HACD3: variants seen among roughly 807,000 people sequenced by gnomAD.
The protein encoded by HACD3 is 3-hydroxyacyl-CoA dehydratase 3.
Under a neutral mutation model 55.2 loss-of-function variants are expected in HACD3, and 30 were observed. That is an observed-to-expected ratio of 0.54 (90% CI 0.41 to 0.74). HACD3 has a LOEUF of 0.74. HACD3 is among the 30% of genes least tolerant of loss of function. The pLI is 0.00. For missense variants in HACD3, 363 were observed against 440.1 expected, an observed-to-expected ratio of 0.82 and a Z score of 1.57; for synonymous variants, 141 against 151.7, an observed-to-expected ratio of 0.93 and a Z score of 0.52.
rs957088862 is a variant in HACD3, at chr15:65,562,753, C to G, written c.422-21C>G. 1.9e-6 allele frequency: 3 copies of G among 1,611,410 alleles called. No homozygotes were observed. The African/African-American group carries it at 4.0e-5, about 21-fold the overall frequency. On this transcript the variant is annotated intron_variant, in intron 5 of 10. Transcript: ENST00000261875. Reference sequence around the variant, plus strand: ...TGGGACTATTGCTTTTAATAGCTTACTGCTTTGCTTTGCTTTACAGCTCTT... The same window carrying G: ...TGGGACTATTGCTTTTAATAGCTTAGTGCTTTGCTTTGCTTTACAGCTCTT...
intron 10 of HACD3, among the ~76,000 whole-genome samples, chr15:65,575,858 C>T (rs986494254): frequency 3.9e-5 from 6 of 152,142 alleles, no homozygotes; most frequent in African/African-American, 1.4e-4. Flanking sequence ...TTTGGGAGGC[C>T]AAGCTGGGCA....
rs1334339064 is a variant in HACD3, at chr15:65,549,503, A to G, written c.88-2173A>G. 2.0e-5 allele frequency among the ~76,000 whole-genome samples: 3 copies of G among 150,614 alleles called. No homozygotes were observed. The East Asian group carries it at 5.8e-4, about 29-fold the overall frequency. ...TAATCCCAGCTGCTCGGGAGGCTGA[A>G]GCAGAAGAATCGCTTGAGCCTGGGA... On this transcript the variant is annotated intron_variant, in intron 1 of 10. Transcript: ENST00000261875.
intron 1 of HACD3, among the ~76,000 whole-genome samples, chr15:65,534,045 C>T (rs1400290897): frequency 1.2e-5 from 1 of 86,022 alleles, no homozygotes; most frequent in Admixed American, 1.5e-4. Flanking sequence ...AGCGAGACTC[C>T]GTCTCAAAAA....
intron 10 of HACD3, 76 bp from the exon 11 acceptor site, chr15:65,576,227 C>T (rs2072399584): frequency 1.3e-6 from 2 of 1,529,862 alleles, no homozygotes; most frequent in East Asian, 2.4e-5. Flanking sequence ...CAGCTAGATA[C>T]TGTCCCTGCC....
chr15:65,535,694 T>G, intron 1 of HACD3: 1 of 477,074 alleles, frequency 2.1e-6, no homozygotes, highest in Non-Finnish European at 3.7e-6. Flanking sequence ...ATCTTTGATG[T>G]TAACTTTTTT....
intron 8 of HACD3, 131 bp from the exon 9 acceptor site, chr15:65,571,417 C>T (rs1469373706): frequency 4.7e-6 from 3 of 639,648 alleles, no homozygotes; most frequent in Non-Finnish European, 5.4e-6. Flanking sequence ...GGTTGATAGC[C>T]AGCGTTATAA....
At chr15:65,544,760 G>T (rs368487919) in intron 1 of HACD3, among the ~76,000 whole-genome samples, 2 of 152,226 alleles carry the variant, frequency 1.3e-5, no homozygotes, top group East Asian at 3.9e-4. Flanking sequence ...GGTGGCTCAC[G>T]CCTGTAATCC....
intron 7 of HACD3, among the ~76,000 whole-genome samples, chr15:65,567,120 G>A (rs1432796646): frequency 2.0e-5 from 3 of 151,894 alleles, no homozygotes; most frequent in African/African-American, 4.8e-5. Flanking sequence ...GCCAGCAGTT[G>A]GAGACCACCC....
intron 1 of HACD3, among the ~76,000 whole-genome samples, chr15:65,535,440 G>C (rs1470906294): frequency 1.3e-5 from 2 of 152,190 alleles, no homozygotes; most frequent in Non-Finnish European, 2.9e-5. Context: ...CTGAAAAGAT[G>C]CTTGACTGCA....
rs546325373 is a variant in HACD3, at chr15:65,543,383, G to A, written c.88-8293G>A. ...TTTTCTTTTTTCTTATTTTCCACAG[G>A]GAAACTTCTGCAAGTAATTAGTAGG... On this transcript the variant is annotated intron_variant, in intron 1 of 10. Coordinates refer to ENST00000261875, the MANE Select transcript of HACD3 (RefSeq NM_016395.4). Among the ~76,000 whole-genome samples the A allele has an allele frequency of 3.4e-3, 518 of 151,632 alleles. 2 individuals are homozygous for A. Among genetic ancestry groups the A allele is most frequent in the African/African-American group, 0.012 (488 of 41,326 alleles).
chr15:65,576,598 T>G lies in HACD3; in HGVS notation c.*219T>G, dbSNP rs1207899118. On this transcript the variant is annotated 3_prime_UTR_variant, in exon 11 of 11. Coordinates refer to ENST00000261875, the MANE Select transcript of HACD3 (RefSeq NM_016395.4). ...ATATCTGATGAGAGGTTCATTCTTG[T>G]GTATTCAGTTAATGACACCAAAAGG... The G allele has an allele frequency of 3.4e-6, 2 of 582,744 alleles. No homozygotes were observed. Among genetic ancestry groups the G allele is most frequent in the East Asian group, 6.0e-5 (2 of 33,242 alleles). The allele number at this position is 582,744 out of a possible 1,614,324, so 36.1% of individuals were successfully genotyped here. A position where few individuals can be genotyped will look rare whatever the true frequency, so the allele number is the denominator to read the frequency against.
At position 65,551,725 on chromosome 15, in the gene HACD3, A is replaced by G. The variant is rs2072135222; in HGVS notation, c.130+7A>G. On this transcript the variant is annotated splice_region_variant and intron_variant, in intron 2 of 10. Coordinates refer to ENST00000261875, the MANE Select transcript of HACD3 (RefSeq NM_016395.4). ...AACGTGCTGCATTTCAAAGGTCAGT[A>G]TCCCAGCAAATGCTCCCATCTCTAT... 6.2e-7 allele frequency: 1 copy of G among 1,613,838 alleles called. No individual in the cohort carries two copies. Among genetic ancestry groups the G allele is most frequent in the Non-Finnish European group, 8.5e-7 (1 of 1,179,726 alleles).
intron 1 of HACD3, among the ~76,000 whole-genome samples, chr15:65,544,324 G>A (rs1411089328): frequency 6.6e-6 from 1 of 152,192 alleles, no homozygotes; most frequent in African/African-American, 2.4e-5. Context: ...GTGACAGTTG[G>A]TAGATGAACC....
Position 65,530,531 on chromosome 15 carries a change from G to T in HACD3, c.-101G>T, listed in dbSNP as rs1284126623. 9.2e-7 allele frequency: 1 copy of T among 1,091,666 alleles called. No individual in the cohort carries two copies. Among genetic ancestry groups the T allele is most frequent in the Non-Finnish European group, 1.3e-6 (1 of 769,924 alleles). The allele number at this position is 1,091,666 out of a possible 1,614,324, so 67.6% of individuals were successfully genotyped here. ...TGCCGGGTTGCAGGCGCTCAGGAGC[G>T]CTAGGGTTTGAGGCCTGCTTTCTGC... is the stretch of plus-strand genomic sequence containing the variant. On this transcript the variant is annotated 5_prime_UTR_variant, in exon 1 of 11. Coordinates refer to ENST00000261875, the MANE Select transcript of HACD3 (RefSeq NM_016395.4).
chr15:65,552,711 C>G lies in HACD3; in HGVS notation c.130+993C>G, dbSNP rs1596210821. On this transcript the variant is annotated intron_variant, in intron 2 of 10. Coordinates refer to ENST00000261875, the MANE Select transcript of HACD3 (RefSeq NM_016395.4). ...TTAAATTTATTATTTTTTTATTATA[C>G]TTTAAGTTTTAGGGTACATGTGCCC... 4.0e-5 allele frequency among the ~76,000 whole-genome samples: 6 copies of G among 149,866 alleles called. No individual in the cohort carries two copies. In the East Asian group the frequency reaches 1.2e-3, roughly 29 times the overall value.
rs368542233 is a variant in HACD3 at position 65,533,817 on chromosome 15, C to T, written c.87+3099C>T. Among the ~76,000 whole-genome samples, 6 of 150,962 alleles carry T rather than the reference C, an allele frequency of 4.0e-5. No homozygotes were observed. In the East Asian group the frequency reaches 7.8e-4, roughly 20 times the overall value. ...CTGTAATCCCAGCACTATGGGAGGC[C>T]GAGACGGGCGGATCATGAGGTCAGG... On this transcript the variant is annotated intron_variant, in intron 1 of 10. Coordinates refer to ENST00000261875, the MANE Select transcript of HACD3 (RefSeq NM_016395.4).
At chr15:65,546,766 T>C (rs2072081368) in intron 1 of HACD3, among the ~76,000 whole-genome samples, 8 of 152,120 alleles carry the variant, frequency 5.3e-5, no homozygotes, top group Admixed American at 5.2e-4. Context: ...TTTGTAGATT[T>C]AAATGTTTTC....
chr15:65,576,943 T>C lies in HACD3; in HGVS notation c.*564T>C, dbSNP rs2072407863. 6.5e-6 allele frequency: 1 copy of C among 152,812 alleles called. No individual in the cohort carries two copies. The highest frequency in any genetic ancestry group is 2.1e-4 in the South Asian group (1 of 4,856). The allele number at this position is 152,812 out of a possible 1,614,324, so 9.5% of individuals were successfully genotyped here. ...GGGGCTAGAGAACATACTTTACATC[T>C]GACATCCTTTGGCCTAACAACATCT... On this transcript the variant is annotated 3_prime_UTR_variant, in exon 11 of 11. Coordinates refer to ENST00000261875, the MANE Select transcript of HACD3 (RefSeq NM_016395.4).
rs2072258257 is a variant in HACD3 at position 65,562,962 on chromosome 15, C to T, written c.532+78C>T. ...TATTCACCAAAGGGAGCACTCTCTG[C>T]CTTTGATGTTAATAATAACCCCTGC... is the stretch of plus-strand genomic sequence containing the variant. On this transcript the variant is annotated intron_variant, in intron 6 of 10. Coordinates refer to ENST00000261875, the MANE Select transcript of HACD3 (RefSeq NM_016395.4). The T allele has an allele frequency of 3.8e-6, 6 of 1,561,120 alleles. No homozygotes were observed. In the Admixed American group the frequency reaches 5.8e-5, roughly 15 times the overall value.
Sources: allele counts gnomAD v4.1 joint callset (sites outside exome capture counted in the v4.1 genomes callset), GRCh38; gene constraint gnomAD v4.1.1; transcripts MANE v1.5; gene names NCBI Gene and HGNC (gene_info 2026-07-23, HGNC 2026-07-21).